SLC1A7: variants seen among roughly 807,000 people sequenced by gnomAD.
The protein encoded by SLC1A7 is excitatory amino acid transporter 5.
Under a neutral mutation model 47.7 loss-of-function variants are expected in SLC1A7, and 40 were observed. The ratio of observed to expected loss-of-function variants is 0.84; its 90% CI spans 0.65 to 1.09. The LOEUF (loss-of-function observed/expected upper bound fraction) is 1.09, where lower values mean the gene tolerates loss of function less well. SLC1A7 is among the 50% of genes least tolerant of loss of function. The pLI is 0.00. For missense variants in SLC1A7, 746 were observed against 769.5 expected, an observed-to-expected ratio of 0.97 and a Z score of 0.36; for synonymous variants, 323 against 325.6, an observed-to-expected ratio of 0.99 and a Z score of 0.09.
chr1:53,103,508 G>T lies in SLC1A7; in HGVS notation c.535C>A (p.Pro179Thr). 1 of 1,612,870 alleles carries T rather than the reference G, an allele frequency of 6.2e-7. No individual in the cohort carries two copies. The highest frequency in any genetic ancestry group is 1.3e-5 in the African/African-American group (1 of 75,034). ...ACCCCGTAGATGAGGATCCGCCGAG[G>T]AGGGGCCTCCTCTGGTGCCACCTTG... ...SPKVAPEEAP[P>T]RRILIYGVQE... Residue 179 changes from proline (P) to threonine (T), a missense_variant, in exon 5 of 11, where the codon CCT becomes ACT. Transcript: ENST00000371494.
At chr1:53,094,943 G>T (rs1215651974) in intron 5 of SLC1A7, among the ~76,000 whole-genome samples, 1 of 152,228 alleles carries the variant, frequency 6.6e-6, no homozygotes, top group Non-Finnish European at 1.5e-5. Context: ...TGGGTTGAGG[G>T]AACCAAAGAA....
At chr1:53,116,403 TG>T (rs1205902018) in intron 2 of SLC1A7, among the ~76,000 whole-genome samples, 1 of 152,224 alleles carries the variant, frequency 6.6e-6, no homozygotes, top group Non-Finnish European at 1.5e-5. Context: ...GGCCAGGTTC[TG>T]ATTGAATGCT....
intron 1 of SLC1A7, among the ~76,000 whole-genome samples, chr1:53,136,027 G>A (rs943730194): frequency 5.9e-5 from 9 of 151,804 alleles, no homozygotes; most frequent in Non-Finnish European, 1.0e-4. Context: ...AAGCTGAACC[G>A]CAAAAGGGAG....
chr1:53,093,954 CTTCT>C (rs1420935962), intron 5 of SLC1A7, among the ~76,000 whole-genome samples: 2 of 152,234 alleles, frequency 1.3e-5, no homozygotes, highest in East Asian at 3.9e-4. Context: ...CACCACTGGC[CTTCT>C]TTAAGTTTCT....
chr1:53,098,032 CACAT>C lies in SLC1A7; in HGVS notation c.698-4476_698-4473del, dbSNP rs1557670866. Among the ~76,000 whole-genome samples the C allele has an allele frequency of 2.6e-5, 4 of 151,728 alleles. No homozygotes were observed. The South Asian group carries it at 8.4e-4, about 32-fold the overall frequency. Reference sequence around the variant, plus strand: ...CTCACAAACCCTGCCTCGGTACACTCACATACCCTGCCTCCGTACACTCACACAT... The same window carrying C: ...CTCACAAACCCTGCCTCGGTACACTCACCCTGCCTCCGTACACTCACACAT... On this transcript the variant is annotated intron_variant, in intron 5 of 10. Coordinates refer to ENST00000371494, the MANE Select transcript of SLC1A7 (RefSeq NM_006671.6).
intron 2 of SLC1A7, chr1:53,116,312 C>G (rs1644760861): frequency 6.6e-6 from 1 of 152,436 alleles, no homozygotes; most frequent in Admixed American, 6.5e-5. Flanking sequence ...TTCTCTGGCT[C>G]CACAGTCCCT....
intron 3 of SLC1A7, chr1:53,107,832 G>A (rs1050066396): frequency 2.6e-5 from 4 of 152,194 alleles, no homozygotes; most frequent in African/African-American, 4.8e-5. Context: ...TATTTGCTGC[G>A]TAAACCAATA....
At chr1:53,136,778 C>CA (rs1271990979) in intron 1 of SLC1A7, among the ~76,000 whole-genome samples, 1 of 150,396 alleles carries the variant, frequency 6.6e-6, no homozygotes, top group Non-Finnish European at 1.5e-5. Context: ...GTAATCTTCA[C>CA]ACCTCAGGCT....
intron 2 of SLC1A7, among the ~76,000 whole-genome samples, chr1:53,128,309 C>A (rs1159701328): frequency 6.6e-6 from 1 of 152,192 alleles, no homozygotes; most frequent in Non-Finnish European, 1.5e-5. Flanking sequence ...AGCCCCATGT[C>A]TACCCAAAAT....
Position 53,101,352 on chromosome 1 carries a change from C to T in SLC1A7, c.697+1994G>A, listed in dbSNP as rs570601698. ...CACACCCCTCCTCGGTACACTCGCA[C>T]ACCCCGCTTTGGTACACTCACACAC... On this transcript the variant is annotated intron_variant, in intron 5 of 10. Coordinates refer to ENST00000371494, the MANE Select transcript of SLC1A7 (RefSeq NM_006671.6). Among the ~76,000 whole-genome samples, 71 of 150,570 alleles carry T rather than the reference C, an allele frequency of 4.7e-4. 2 individuals are homozygous for T. The South Asian group carries it at 0.015, about 31-fold the overall frequency.
In SLC1A7 at chr1:53,142,317, G is replaced by A. The variant is rs1645065969; in HGVS notation, c.133C>T (p.Gln45Ter). 1 of 1,556,918 alleles carries A rather than the reference G, an allele frequency of 6.4e-7. No homozygotes were observed. Among genetic ancestry groups the A allele is most frequent in the Non-Finnish European group, 8.7e-7 (1 of 1,149,808 alleles). The change falls in exon 1 of 11, where the codon CAG (glutamine) becomes TAG (stop). Residue 45 changes from glutamine (Q) to a stop codon, truncating the protein, a stop_gained and splice_region_variant. Coordinates refer to ENST00000371494, the MANE Select transcript of SLC1A7 (RefSeq NM_006671.6). LOFTEE classifies it high-confidence loss of function. ...CCGAGATGCTCTGGGTGGCTGACCT[G>A]TGGTGAGAGGCGCCGGGTCCTCAAG... ...FFLRTRRLSP[Q>*]EISYFQFPGE...
intron 2 of SLC1A7, among the ~76,000 whole-genome samples, chr1:53,120,713 C>T (rs1046234883): frequency 6.6e-5 from 10 of 152,236 alleles, no homozygotes; most frequent in African/African-American, 2.2e-4. Flanking sequence ...TGTTACGGAG[C>T]ACCCTGCTAG....
chr1:53,122,036 C>T (rs1275635163), intron 2 of SLC1A7, among the ~76,000 whole-genome samples: 2 of 151,942 alleles, frequency 1.3e-5, no homozygotes, highest in East Asian at 3.9e-4. Context: ...GGGGCAGGTG[C>T]TGTGTGGTCC....
chr1:53,095,056 C>T (rs932516292), intron 5 of SLC1A7, among the ~76,000 whole-genome samples: 7 of 152,190 alleles, frequency 4.6e-5, no homozygotes, highest in Admixed American at 3.9e-4. Flanking sequence ...TGGACACTGA[C>T]AGGCACAGGC....
chr1:53,133,914 A>G (rs1227382331), intron 2 of SLC1A7, among the ~76,000 whole-genome samples: 2 of 152,134 alleles, frequency 1.3e-5, no homozygotes, highest in Non-Finnish European at 2.9e-5. Context: ...CATTTTACAG[A>G]TGAGGAAACT....
rs1366492043 is a variant in SLC1A7 at position 53,088,922 on chromosome 1, C to T, written c.1419G>A (p.Met473Ile). The change falls in exon 10 of 11, where the codon ATG becomes ATA. Residue 473 changes from methionine (M) to isoleucine (I), a missense_variant. Met to Ile is a conservative substitution (Grantham distance 10). Transcript: ENST00000371494. ...CAAAATCCTTCCGACATATATGGGC[C>T]ATGATCCCCGCTGCCAGCGCATCAC... ...VLGDALAAGIMAHICRKDFAR... is the reference protein window; with the variant it reads ...VLGDALAAGIIAHICRKDFAR... The T allele has an allele frequency of 1.9e-6, 3 of 1,614,136 alleles. No homozygotes were observed. Among genetic ancestry groups the T allele is most frequent in the African/African-American group, 1.3e-5 (1 of 75,058 alleles).
chr1:53,141,265 C>T (rs1438679565), intron 1 of SLC1A7, among the ~76,000 whole-genome samples: 1 of 152,130 alleles, frequency 6.6e-6, no homozygotes, highest in Non-Finnish European at 1.5e-5. Context: ...GGCCTGCCTT[C>T]AACAAGAATC....
At chr1:53,139,473 G>A (rs1278203651) in intron 1 of SLC1A7, among the ~76,000 whole-genome samples, 1 of 152,214 alleles carries the variant, frequency 6.6e-6, no homozygotes, top group Non-Finnish European at 1.5e-5. Context: ...AGCTTCTCTG[G>A]TTCCTTGGGG....
At chr1:53,126,930 A>T (rs1397533918) in intron 2 of SLC1A7, among the ~76,000 whole-genome samples, 2 of 151,954 alleles carry the variant, frequency 1.3e-5, no homozygotes, top group South Asian at 2.1e-4. Context: ...TGGCATGAAC[A>T]TGGCTCACTG....
Sources: allele counts gnomAD v4.1 joint callset (sites outside exome capture counted in the v4.1 genomes callset), GRCh38; gene constraint gnomAD v4.1.1; transcripts MANE v1.5; gene names NCBI Gene and HGNC (gene_info 2026-07-23, HGNC 2026-07-21).